The following TNNI3K variants were observed in gnomAD, a reference collection of about 807,000 sequenced individuals.
TNNI3K encodes the protein TNNI3 interacting kinase, also known as serine/threonine-protein kinase TNNI3K.
Under a neutral mutation model 114.5 loss-of-function variants are expected in TNNI3K, and 140 were observed. That is an observed-to-expected ratio of 1.22 (90% CI 1.07 to 1.41). The LOEUF is 1.41. Ranked by LOEUF, TNNI3K falls within the 40% of genes most tolerant of loss-of-function variation. The pLI, the probability that TNNI3K is intolerant of heterozygous loss-of-function variation, is 0.00. For missense variants in TNNI3K, 1,125 were observed against 1,007.6 expected (o/e 1.12, Z -1.58); for synonymous variants, 347 against 347.5 (o/e 1.00, Z 0.02).
At chr1:74,313,603 T>C (rs1024268156) in intron 5 of TNNI3K, among the ~76,000 whole-genome samples, 22 of 152,158 alleles carry the variant, frequency 1.4e-4, no homozygotes, top group Non-Finnish European at 2.8e-4. Context: ...AGTAGTACTC[T>C]TGGGACTCCC....
At chr1:74,398,108 C>T (rs568786695) in intron 17 of TNNI3K, among the ~76,000 whole-genome samples, 2 of 152,332 alleles carry the variant, frequency 1.3e-5, no homozygotes, top group South Asian at 4.1e-4. Context: ...ACTATAGATG[C>T]TGTAGGAAAC....
chr1:74,533,820 C>A (rs536927644), intron 23 of TNNI3K, among the ~76,000 whole-genome samples: 116 of 152,190 alleles, frequency 7.6e-4, no homozygotes, highest in African/African-American at 2.7e-3. Flanking sequence ...GGACAAAAAA[C>A]CAAACACCGC....
intron 4 of TNNI3K, among the ~76,000 whole-genome samples, chr1:74,267,542 A>G (rs143352085): frequency 6.6e-6 from 1 of 152,102 alleles, no homozygotes; most frequent in African/African-American, 2.4e-5. Context: ...AAATAGGGTT[A>G]ATAATTATTT....
At chr1:74,480,322 G>A (rs1436113776) in intron 21 of TNNI3K, 2 of 717,818 alleles carry the variant, frequency 2.8e-6, no homozygotes, top group Admixed American at 4.0e-5. Context: ...GGCAATTTAG[G>A]TCCTTGGCAT....
chr1:74,337,981 T>A (rs1660561385), intron 7 of TNNI3K, among the ~76,000 whole-genome samples: 1 of 152,096 alleles, frequency 6.6e-6, no homozygotes, highest in South Asian at 2.1e-4. Flanking sequence ...GTTTTTCTAT[T>A]ATGAATACAA....
intron 2 of TNNI3K, 31 bp downstream of exon 2, chr1:74,236,241 A>T: frequency 6.4e-7 from 1 of 1,569,516 alleles, no homozygotes; most frequent in Non-Finnish European, 8.7e-7. Context: ...ATTTCTTTGT[A>T]TAAGTGTCTT....
intron 23 of TNNI3K, among the ~76,000 whole-genome samples, chr1:74,534,707 T>C (rs1339630945): frequency 2.0e-5 from 3 of 149,358 alleles, no homozygotes; most frequent in Non-Finnish European, 4.5e-5. Context: ...CTTGTAAGCA[T>C]TGCAACATGA....
At chr1:74,246,805 T>C (rs962251799) in intron 2 of TNNI3K, among the ~76,000 whole-genome samples, 2 of 152,204 alleles carry the variant, frequency 1.3e-5, no homozygotes, top group African/African-American at 4.8e-5. Flanking sequence ...TCCAATATTG[T>C]ATAGCAATAC....
intron 5 of TNNI3K, among the ~76,000 whole-genome samples, chr1:74,294,273 C>A (rs1026458097): frequency 4.0e-5 from 6 of 151,724 alleles, no homozygotes; most frequent in African/African-American, 1.5e-4. Flanking sequence ...AAGTTCTATT[C>A]TTTGGAAAAG....
intron 17 of TNNI3K, among the ~76,000 whole-genome samples, chr1:74,416,794 T>C (rs1665137928): frequency 6.6e-6 from 1 of 152,112 alleles, no homozygotes. Context: ...TATCTGGAAT[T>C]CTTTTATACT....
chr1:74,483,887 A>G (rs939250634), intron 21 of TNNI3K, among the ~76,000 whole-genome samples: 1 of 152,192 alleles, frequency 6.6e-6, no homozygotes, highest in Non-Finnish European at 1.5e-5. Flanking sequence ...ATAGATTTAA[A>G]TGCCACACCT....
At chr1:74,281,744 AT>A (rs1207243214) in intron 5 of TNNI3K, among the ~76,000 whole-genome samples, 1 of 152,132 alleles carries the variant, frequency 6.6e-6, no homozygotes, top group Non-Finnish European at 1.5e-5. Flanking sequence ...TATAAAACAT[AT>A]TAAAAATCAA....
At chr1:74,483,397 A>C (rs1162533948) in intron 21 of TNNI3K, 1 of 715,590 alleles carries the variant, frequency 1.4e-6, no homozygotes, top group Admixed American at 2.0e-5. Context: ...GTAGAGGGCA[A>C]TGTATATCAT....
chr1:74,367,872 G>A lies in TNNI3K; in HGVS notation c.1265-36G>A, dbSNP rs373881314. Reference sequence around the variant, plus strand: ...AACTTTTATGTAGAAAAAAATGATCGCTACTTTCAACTCTATTATATAATT... The same window carrying A: ...AACTTTTATGTAGAAAAAAATGATCACTACTTTCAACTCTATTATATAATT... On this transcript the variant is annotated intron_variant, in intron 12 of 24. Transcript: ENST00000326637. 28 of 1,534,018 alleles carry A rather than the reference G, an allele frequency of 1.8e-5. No individual in the cohort carries two copies. The African/African-American group carries it at 2.0e-4, about 11-fold the overall frequency.
At chr1:74,483,420 C>G in intron 21 of TNNI3K, 2 of 705,654 alleles carry the variant, frequency 2.8e-6, no homozygotes, top group Non-Finnish European at 5.3e-6. Context: ...TGTTGGCATT[C>G]ACTGTCCATT....
At chr1:74,279,541 T>G (rs564047574) in intron 5 of TNNI3K, among the ~76,000 whole-genome samples, 1 of 151,850 alleles carries the variant, frequency 6.6e-6, no homozygotes, top group Non-Finnish European at 1.5e-5. Flanking sequence ...CCCTAAAGAG[T>G]ATTAGAAGAA....
At chr1:74,353,734 A>G (rs1465525864) in intron 10 of TNNI3K, among the ~76,000 whole-genome samples, 1 of 152,054 alleles carries the variant, frequency 6.6e-6, no homozygotes, top group Non-Finnish European at 1.5e-5. Context: ...CAGTGGATGT[A>G]GAAATACTAT....
intron 21 of TNNI3K, chr1:74,465,033 T>G (rs1667607350): frequency 9.3e-7 from 1 of 1,081,020 alleles, no homozygotes; most frequent in Non-Finnish European, 1.1e-6. Context: ...TTCTTGTATT[T>G]CAGTGTGAAC....
chr1:74,315,877 G>A (rs559808415), intron 5 of TNNI3K, among the ~76,000 whole-genome samples: 3 of 152,130 alleles, frequency 2.0e-5, no homozygotes, highest in Non-Finnish European at 4.4e-5. Flanking sequence ...AAATAGACTA[G>A]GGAAACAGCA....
Sources: gnomAD v4.1 joint callset for allele counts (sites outside exome capture counted in the v4.1 genomes callset) on GRCh38, gnomAD v4.1.1 for gene constraint, MANE v1.5 for transcripts, NCBI Gene and HGNC (gene_info 2026-07-23, HGNC 2026-07-21) for gene names.